The following EMSY variants were observed in gnomAD, a reference collection of about 807,000 sequenced individuals.
The protein encoded by EMSY is EMSY transcriptional repressor, BRCA2 interacting.
Under a neutral mutation model 134.6 loss-of-function variants are expected in EMSY, and 26 were observed. The ratio of observed to expected loss-of-function variants is 0.19; its 90% CI spans 0.14 to 0.27. The LOEUF (loss-of-function observed/expected upper bound fraction) is 0.27. EMSY is among the 10% of genes least tolerant of loss of function. EMSY has a pLI of 1.00. For missense variants in EMSY, 1,305 were observed against 1,611.4 expected, an observed-to-expected ratio of 0.81 and a Z score of 3.26; for synonymous variants, 579 against 577.8, an observed-to-expected ratio of 1.00 and a Z score of -0.03.
At chr11:76,453,771 G>A (rs1947761749) in intron 4 of EMSY, 1 of 153,712 alleles carries the variant, frequency 6.5e-6, no homozygotes, top group Non-Finnish European at 1.4e-5. Flanking sequence ...TTATAAATAG[G>A]CGTTGTAACT....
intron 8 of EMSY, among the ~76,000 whole-genome samples, chr11:76,481,714 A>G (rs1055419435): frequency 5.3e-5 from 8 of 152,228 alleles, no homozygotes; most frequent in African/African-American, 1.9e-4. Context: ...CTCTCTGGGC[A>G]GGGCATCTCT....
chr11:76,528,617 A>C, intron 14 of EMSY, 151 bp downstream of exon 15: 1 of 552,964 alleles, frequency 1.8e-6, no homozygotes, highest in South Asian at 3.0e-5. Flanking sequence ...GTTTGATGTT[A>C]AATCGGTGAG....
intron 8 of EMSY, 64 bp downstream of exon 9, chr11:76,472,904 G>T: frequency 6.4e-7 from 1 of 1,553,612 alleles, no homozygotes; most frequent in Admixed American, 1.7e-5. Context: ...AGAAAACTTG[G>T]TGGGTATGTT....
exon 4 of EMSY, chr11:76,453,332 C>G (rs1349899693): frequency 6.2e-7 from 1 of 1,612,866 alleles, no homozygotes; most frequent in South Asian, 1.1e-5. Context: ...CAGAACGCCA[C>G]CGTGCTGAAG....
intron 9 of EMSY, among the ~76,000 whole-genome samples, chr11:76,511,599 C>G (rs1211428259): frequency 1.3e-5 from 2 of 152,096 alleles, no homozygotes; most frequent in African/African-American, 4.8e-5. Context: ...ACTCGGGAGG[C>G]TGAGGCAGGA....
Position 76,516,125 on chromosome 11 carries a change from C to G in EMSY, c.1514-17C>G. Reference sequence around the variant, plus strand: ...AAGCAATGACAAGTTTTTCTTTTGGCTTTTCCCTTTCTGTAGGCACACAAG... The same window carrying G: ...AAGCAATGACAAGTTTTTCTTTTGGGTTTTCCCTTTCTGTAGGCACACAAG... On this transcript the variant is annotated splice_polypyrimidine_tract_variant and intron_variant, in intron 10 of 20. Coordinates refer to ENST00000334736, the Ensembl canonical transcript of EMSY. 1.2e-6 allele frequency: 2 copies of G among 1,601,246 alleles called. No individual in the cohort carries two copies. Among genetic ancestry groups the G allele is most frequent in the Admixed American group, 1.7e-5 (1 of 57,800 alleles).
At chr11:76,492,265 G>A (rs1010964488) in intron 8 of EMSY, among the ~76,000 whole-genome samples, 7 of 152,148 alleles carry the variant, frequency 4.6e-5, no homozygotes, top group African/African-American at 1.4e-4. Flanking sequence ...CTTGAGGTCA[G>A]GAGTTTGAGA....
chr11:76,542,317 A>G, exon 18 of EMSY: 1 of 1,614,166 alleles, frequency 6.2e-7, no homozygotes, highest in Non-Finnish European at 8.5e-7. Context: ...GGTGGTGGTG[A>G]AGTCCATCCC....
chr11:76,452,956 A>T (rs1217651496), intron 3 of EMSY, among the ~76,000 whole-genome samples: 1 of 152,190 alleles, frequency 6.6e-6, no homozygotes, highest in African/African-American at 2.4e-5. Context: ...CAGCAGTCAC[A>T]ATTAGGAAGC....
intron 12 of EMSY, among the ~76,000 whole-genome samples, chr11:76,524,450 G>A (rs1038129147): frequency 6.6e-6 from 1 of 152,166 alleles, no homozygotes; most frequent in African/African-American, 2.4e-5. Context: ...TAGGGGTCCA[G>A]CATTAGATTT....
chr11:76,467,138 A>G (rs950319053), intron 7 of EMSY, among the ~76,000 whole-genome samples: 10 of 152,160 alleles, frequency 6.6e-5, no homozygotes, highest in Admixed American at 1.3e-4. Context: ...TTTTTATTTG[A>G]TGACTCCAAG....
chr11:76,460,677 TTG>T (rs1435908789), intron 6 of EMSY: 4 of 152,140 alleles, frequency 2.6e-5, no homozygotes, highest in Admixed American at 1.3e-4. Flanking sequence ...TATATACATT[TTG>T]TAATTTATAA....
At chr11:76,502,743 CA>C (rs996153842) in intron 9 of EMSY, among the ~76,000 whole-genome samples, 4 of 151,884 alleles carry the variant, frequency 2.6e-5, no homozygotes, top group African/African-American at 9.7e-5. Flanking sequence ...AAAAGAAATA[CA>C]AAATGTATAC....
intron 8 of EMSY, among the ~76,000 whole-genome samples, chr11:76,489,364 A>G (rs1397472619): frequency 6.9e-6 from 1 of 145,640 alleles, no homozygotes; most frequent in Admixed American, 7.0e-5. Flanking sequence ...ACTGAAAGGG[A>G]AGTGTAAAAG....
At chr11:76,518,858 TTGTG>T (rs10691630) in intron 11 of EMSY, among the ~76,000 whole-genome samples, 5 of 143,086 alleles carry the variant, frequency 3.5e-5, no homozygotes, top group African/African-American at 5.1e-5. Flanking sequence ...ATAGGCTGTC[TTGTG>T]TGTGTGTGTG....
chr11:76,460,773 A>C (rs893412108), intron 6 of EMSY: 2 of 152,078 alleles, frequency 1.3e-5, no homozygotes, highest in Non-Finnish European at 2.9e-5. Context: ...TGAGGTCAGG[A>C]GTTCAAGACC....
intron 8 of EMSY, among the ~76,000 whole-genome samples, chr11:76,484,731 G>A (rs111266340): frequency 1.3e-5 from 2 of 151,992 alleles, no homozygotes; most frequent in South Asian, 4.1e-4. Flanking sequence ...TCGGGAGTTC[G>A]AGACCAGCCT....
At chr11:76,521,337 G>T (rs1170790760) in intron 11 of EMSY, among the ~76,000 whole-genome samples, 1 of 152,186 alleles carries the variant, frequency 6.6e-6, no homozygotes, top group East Asian at 1.9e-4. Flanking sequence ...CATGTTTCAG[G>T]TTCTTGGCAT....
intron 13 of EMSY, among the ~76,000 whole-genome samples, chr11:76,527,263 T>C (rs1950877859): frequency 6.6e-6 from 1 of 152,160 alleles, no homozygotes; most frequent in African/African-American, 2.4e-5. Flanking sequence ...GAGGTATTAA[T>C]GTACCTATAA....
Sources: allele counts gnomAD v4.1 joint callset (sites outside exome capture counted in the v4.1 genomes callset), GRCh38; gene constraint gnomAD v4.1.1; transcripts MANE v1.5; gene names NCBI Gene and HGNC (gene_info 2026-07-23, HGNC 2026-07-21).